Variants in YPEL2 observed in about 807,000 individuals in gnomAD.
The protein encoded by YPEL2 is yippee like 2, also known as protein yippee-like 2.
A neutral mutation model predicts 19.1 loss-of-function variants in YPEL2; 2 were observed. The ratio of observed to expected loss-of-function variants is 0.10; its 90% confidence interval spans 0.04 to 0.33. YPEL2 has a LOEUF of 0.33. YPEL2 is among the 10% of genes least tolerant of loss of function. The pLI is 1.00. For synonymous variants in YPEL2, 52 were observed against 50.0 expected, an observed-to-expected ratio of 1.04 and a Z score of -0.17; for missense variants, 66 against 140.7, an observed-to-expected ratio of 0.47 and a Z score of 2.68.
intron 1 of YPEL2, among the ~76,000 whole-genome samples, chr17:59,344,630 C>T (rs575945287): frequency 1.1e-4 from 17 of 152,232 alleles, no homozygotes; most frequent in African/African-American, 2.9e-4. Context: ...TGGTGGTACA[C>T]GCCTGTAATC....
chr17:59,332,627 G>T (rs1017074994), intron 1 of YPEL2, among the ~76,000 whole-genome samples: 1 of 152,166 alleles, frequency 6.6e-6, no homozygotes, highest in African/African-American at 2.4e-5. Context: ...GGGCGTGCGG[G>T]GGTGGGGGAC....
At chr17:59,351,582 C>T (rs1002337382) in intron 1 of YPEL2, among the ~76,000 whole-genome samples, 2 of 152,140 alleles carry the variant, frequency 1.3e-5, no homozygotes, top group South Asian at 2.1e-4. Flanking sequence ...ATGTATCTTT[C>T]GTCCTATCTC....
At chr17:59,359,155 C>A (rs776425145) in intron 2 of YPEL2, among the ~76,000 whole-genome samples, 1 of 152,118 alleles carries the variant, frequency 6.6e-6, no homozygotes, top group East Asian at 1.9e-4. Flanking sequence ...AACTCCTGAC[C>A]TCCAGCGATC....
rs2047976291 is a variant in YPEL2 at position 59,385,671 on chromosome 17, C to A, written c.118-2656C>A. 2.6e-5 allele frequency among the ~76,000 whole-genome samples: 4 copies of A among 152,198 alleles called. No individual in the cohort carries two copies. In the South Asian group the frequency reaches 8.3e-4, roughly 32 times the overall value. ...GTAAGAGGATGAGGAGGGGAGGATT[C>A]AGAGGGATATGAGGAGATGTTTGGG... On this transcript the variant is annotated intron_variant, in intron 2 of 4. Coordinates refer to ENST00000312655, the MANE Select transcript of YPEL2 (RefSeq NM_001005404.4).
chr17:59,391,870 A>G (rs755868654), intron 4 of YPEL2, among the ~76,000 whole-genome samples: 1 of 151,748 alleles, frequency 6.6e-6, no homozygotes, highest in Non-Finnish European at 1.5e-5. Context: ...ATTGCACTCC[A>G]GCCTGGGCGA....
In YPEL2 at chr17:59,389,485, T is replaced by C. The variant is rs968372464; in HGVS notation, c.270+17T>C. The C allele has an allele frequency of 5.0e-6, 8 of 1,604,910 alleles. No homozygotes were observed. The highest frequency in any genetic ancestry group is 6.8e-6 in the Non-Finnish European group (8 of 1,174,146). On this transcript the variant is annotated intron_variant, in intron 4 of 4. Transcript: ENST00000312655. ...TGGAAATACGTAAGTATAAAGGAGTTTGGTTGGTAGAGGGCTGGAAGGGAA... is the reference window on the plus strand; with the variant it reads ...TGGAAATACGTAAGTATAAAGGAGTCTGGTTGGTAGAGGGCTGGAAGGGAA...
intron 2 of YPEL2, among the ~76,000 whole-genome samples, chr17:59,376,917 C>CTCTG (rs746639417): frequency 3.0e-4 from 40 of 134,776 alleles, no homozygotes; most frequent in Non-Finnish European, 5.1e-4. Flanking sequence ...CCACTGCACT[C>CTCTG]CAACCTGAGT....
At chr17:59,396,236 A>G (rs1423954486) in intron 4 of YPEL2, among the ~76,000 whole-genome samples, 1 of 152,266 alleles carries the variant, frequency 6.6e-6, no homozygotes, top group Admixed American at 6.5e-5. Context: ...ATGTAAATGT[A>G]CTAATTCATT....
At chr17:59,373,051 T>C (rs544039004) in intron 2 of YPEL2, among the ~76,000 whole-genome samples, 1 of 152,198 alleles carries the variant, frequency 6.6e-6, no homozygotes, top group Non-Finnish European at 1.5e-5. Flanking sequence ...TTTGTATTTT[T>C]AGTAGAGACA....
intron 2 of YPEL2, among the ~76,000 whole-genome samples, chr17:59,382,172 G>A (rs1388114323): frequency 1.3e-5 from 2 of 152,238 alleles, no homozygotes; most frequent in Non-Finnish European, 2.9e-5. Context: ...GTGCCAGGCC[G>A]AGGAAACAGA....
chr17:59,346,027 C>A (rs2047754176), intron 1 of YPEL2, among the ~76,000 whole-genome samples: 1 of 152,212 alleles, frequency 6.6e-6, no homozygotes, highest in African/African-American at 2.4e-5. Flanking sequence ...TGGGCGGGCA[C>A]AGGTCTCTCT....
intron 1 of YPEL2, among the ~76,000 whole-genome samples, chr17:59,349,390 G>A (rs373361561): frequency 7.3e-6 from 1 of 137,604 alleles, no homozygotes; most frequent in East Asian, 2.2e-4. Context: ...TTGAGACGGA[G>A]TCTCGCTCTG....
intron 2 of YPEL2, among the ~76,000 whole-genome samples, chr17:59,375,678 A>G (rs8066091): frequency 6.6e-6 from 1 of 152,228 alleles, no homozygotes; most frequent in African/African-American, 2.4e-5. Context: ...ATTCTAATTC[A>G]TTAATTTACA....
intron 4 of YPEL2, among the ~76,000 whole-genome samples, chr17:59,393,970 C>A (rs181005154): frequency 6.6e-6 from 1 of 152,372 alleles, no homozygotes; most frequent in Admixed American, 6.5e-5. Flanking sequence ...ACCTTTCCCC[C>A]TTTTCTATTC....
Position 59,399,092 on chromosome 17 carries a change from A to AGACT in YPEL2, c.*1905_*1908dup, listed in dbSNP as rs1274496819. On this transcript the variant is annotated 3_prime_UTR_variant, in exon 5 of 5. Transcript: ENST00000312655. ...TGTTCTCCCCACTTTACTGCAAGGTAGACTGAAGTTCAGAAGAAATACTGA... is the reference window on the plus strand; with the variant it reads ...TGTTCTCCCCACTTTACTGCAAGGTAGACTGACTGAAGTTCAGAAGAAATACTGA... 2 of 152,620 alleles carry AGACT rather than the reference A, an allele frequency of 1.3e-5. No homozygotes were observed. The highest frequency in any genetic ancestry group is 2.4e-5 in the African/African-American group (1 of 41,456). 9.5% of individuals were successfully genotyped at this position (152,620 alleles called of 1,614,324 possible).
intron 1 of YPEL2, among the ~76,000 whole-genome samples, chr17:59,352,725 C>T (rs1156496584): frequency 6.6e-6 from 1 of 152,168 alleles, no homozygotes; most frequent in Non-Finnish European, 1.5e-5. Context: ...GGTTTGCTGC[C>T]TCTGCAGGTG....
Position 59,353,891 on chromosome 17 carries a change from CAG to C in YPEL2, c.117+366_117+367del, listed in dbSNP as rs1198212897. ...GCTCAGAAGGTGAATTCTGATAAAG[CAG>C]GGGAATGTCTTGTAAGAGGGGTTCC... is the stretch of plus-strand genomic sequence containing the variant. On this transcript the variant is annotated intron_variant, in intron 2 of 4. Transcript: ENST00000312655. This position sits in a 1 kb window ranked among gnomAD's most constrained non-coding sequence, Gnocchi z 4.8. 4 of 324,680 alleles carry C rather than the reference CAG, an allele frequency of 1.2e-5. No homozygotes were observed. In the East Asian group the frequency reaches 3.4e-4, roughly 28 times the overall value. 20.1% of individuals were successfully genotyped at this position (324,680 alleles called of 1,614,324 possible).
At chr17:59,361,343 A>G (rs528213198) in intron 2 of YPEL2, among the ~76,000 whole-genome samples, 7 of 152,310 alleles carry the variant, frequency 4.6e-5, no homozygotes, top group African/African-American at 1.7e-4. Context: ...TAGATATTAT[A>G]ATACTACTCA....
chr17:59,362,293 CAT>C (rs1319649592), intron 2 of YPEL2, among the ~76,000 whole-genome samples: 2 of 148,426 alleles, frequency 1.3e-5, no homozygotes, highest in Admixed American at 1.3e-4. Context: ...TTGTGTTTAT[CAT>C]GTGTAGGCAT....
Sources: allele counts gnomAD v4.1 joint callset (sites outside exome capture counted in the v4.1 genomes callset), GRCh38; gene constraint gnomAD v4.1.1; non-coding constraint Gnocchi (gnomAD v3.1); transcripts MANE v1.5; gene names NCBI Gene and HGNC (gene_info 2026-07-23, HGNC 2026-07-21).